Variants in FSD2 observed in about 807,000 individuals in gnomAD.
FSD2 encodes the protein fibronectin type III and SPRY domain containing 2.
In FSD2, 71 loss-of-function variants were observed where a neutral mutation model predicts 80.4. The ratio of observed to expected loss-of-function variants is 0.88; its 90% CI spans 0.73 to 1.08. The LOEUF (loss-of-function observed/expected upper bound fraction) is 1.08. Ranked by LOEUF, FSD2 falls within the 50% of genes least tolerant of loss-of-function variation. The pLI is 0.00. For missense variants in FSD2, 923 were observed against 913.8 expected (o/e 1.01, Z -0.13); for synonymous variants, 361 against 329.5 (o/e 1.10, Z -1.03).
At chr15:82,760,726 T>C (rs1427876695) in intron 12 of FSD2, among the ~76,000 whole-genome samples, 1 of 105,824 alleles carries the variant, frequency 9.4e-6, no homozygotes, top group African/African-American at 4.0e-5. Flanking sequence ...TGTGTGCACG[T>C]GTGTGCGTGC....
intron 7 of FSD2, 32 bp downstream of exon 7, chr15:82,772,040 AT>A: frequency 1.3e-6 from 2 of 1,519,122 alleles, no homozygotes; most frequent in Non-Finnish European, 1.8e-6. Context: ...AACTGTTCCC[AT>A]GAGCACGGGC....
At chr15:82,778,676 A>C in intron 6 of FSD2, 90 bp downstream of exon 6, 2 of 1,401,066 alleles carry the variant, frequency 1.4e-6, no homozygotes, top group Non-Finnish European at 1.9e-6. Context: ...TGTTAAGAGG[A>C]TAGATCTCAT....
rs142701820 is a variant in FSD2 at position 82,759,423 on chromosome 15, A to G, written c.2175T>C (p.Cys725=). 2.2e-5 allele frequency: 35 copies of G among 1,613,774 alleles called. No individual in the cohort carries two copies. The African/African-American group carries it at 4.5e-4, about 21-fold the overall frequency. ...GACACCCAGGCTTTTCCAAAGAAAAACAGGGATGCACAAATTCGTGAAGCT... is the reference window on the plus strand; with the variant it reads ...GACACCCAGGCTTTTCCAAAGAAAAGCAGGGATGCACAAATTCGTGAAGCT... ...SCQLHEFVHP[C]FSLEKPGCLK... The change falls in exon 13 of 13, where the codon TGT becomes TGC. Residue 725 remains cysteine, a synonymous_variant. Transcript: ENST00000334574.
At chr15:82,802,142 A>C (rs1054244666) in intron 1 of FSD2, among the ~76,000 whole-genome samples, 12 of 152,178 alleles carry the variant, frequency 7.9e-5, no homozygotes, top group African/African-American at 2.7e-4. Context: ...CAGCCTGTAC[A>C]CAGGGCTGGA....
intron 8 of FSD2, 36 bp from the exon 9 acceptor site, chr15:82,769,066 T>G (rs771231963): frequency 6.7e-7 from 1 of 1,495,570 alleles, no homozygotes; most frequent in African/African-American, 1.4e-5. Flanking sequence ...GAACAACTGT[T>G]GTGTTCATTT....
At chr15:82,801,875 C>T (rs866264165) in intron 1 of FSD2, among the ~76,000 whole-genome samples, 1 of 152,154 alleles carries the variant, frequency 6.6e-6, no homozygotes. Flanking sequence ...GTCCATGCCA[C>T]CTGGGACCAC....
chr15:82,784,357 G>A (rs1047884414), intron 3 of FSD2, among the ~76,000 whole-genome samples: 13 of 151,868 alleles, frequency 8.6e-5, no homozygotes, highest in African/African-American at 2.9e-4. Context: ...TGATTCTCCT[G>A]TCTCAGCCTC....
At chr15:82,804,318 G>A (rs1028009767) in intron 1 of FSD2, among the ~76,000 whole-genome samples, 2 of 152,150 alleles carry the variant, frequency 1.3e-5, no homozygotes, top group Admixed American at 1.3e-4. Flanking sequence ...AGGTCCCTTG[G>A]AGAGCATCTA....
intron 1 of FSD2, among the ~76,000 whole-genome samples, chr15:82,793,279 T>G (rs2050191431): frequency 6.6e-6 from 1 of 152,116 alleles, no homozygotes; most frequent in African/African-American, 2.4e-5. Flanking sequence ...TTTTGTATTT[T>G]TAGTAGAGAC....
At position 82,756,129 on chromosome 15, in the gene FSD2, G is replaced by A. The variant is rs2049172042; in HGVS notation, c.*3219C>T. ...ATAGGAGTAGTACACTTATAGATGA[G>A]AAAACTGGAGAAAGACATAGTGAAC... On this transcript the variant is annotated 3_prime_UTR_variant, in exon 13 of 13. Transcript: ENST00000334574. 1 of 352,564 alleles carries A rather than the reference G, an allele frequency of 2.8e-6. No homozygotes were observed. Among genetic ancestry groups the A allele is most frequent in the African/African-American group, 2.1e-5 (1 of 47,284 alleles). The allele number at this position is 352,564 out of a possible 1,614,324, so 21.8% of individuals were successfully genotyped here.
At chr15:82,801,940 C>T (rs12595140) in intron 1 of FSD2, among the ~76,000 whole-genome samples, 1,993 of 152,268 alleles carry the variant, frequency 0.013, 25 homozygotes, top group East Asian at 0.05. Flanking sequence ...AGGTAGGTTT[C>T]CAGAGGCAGC....
In FSD2 at chr15:82,762,356, G is replaced by A. The variant is rs991969155; in HGVS notation, c.1821-78C>T. 3.5e-6 allele frequency: 5 copies of A among 1,432,280 alleles called. No individual in the cohort carries two copies. The African/African-American group carries it at 7.0e-5, about 20-fold the overall frequency. 88.7% of individuals were successfully genotyped at this position (1,432,280 alleles called of 1,614,324 possible). A position where few individuals can be genotyped will look rare whatever the true frequency, so the allele number is the denominator to read the frequency against. On this transcript the variant is annotated intron_variant, in intron 11 of 12. Transcript: ENST00000334574. The stretch of plus-strand genomic sequence containing the variant: ...GTGCAGGTCAGTGATGCCAGTTGCT[G>A]GGATCAGTCAGTCGGTGGTCTACGA...
chr15:82,788,603 G>A (rs998931270), intron 1 of FSD2, among the ~76,000 whole-genome samples: 1 of 151,160 alleles, frequency 6.6e-6, no homozygotes, highest in African/African-American at 2.4e-5. Context: ...AGTGATACCC[G>A]CAGCTGGATA....
At position 82,756,853 on chromosome 15, in the gene FSD2, T is replaced by C. The variant is rs2049186601; in HGVS notation, c.*2495A>G. The C allele has an allele frequency of 6.6e-6, 1 of 152,270 alleles. No homozygotes were observed. The highest frequency in any genetic ancestry group is 6.5e-5 in the Admixed American group (1 of 15,288). 9.4% of individuals were successfully genotyped at this position (152,270 alleles called of 1,614,324 possible). On this transcript the variant is annotated 3_prime_UTR_variant, in exon 13 of 13. Coordinates refer to ENST00000334574, the MANE Select transcript of FSD2 (RefSeq NM_001007122.4). ...ACTGTCCAGTGTTAGGGATTGTGGC[T>C]ACAGTGGTCTAATTTTTAAAAACTC... is the stretch of plus-strand genomic sequence containing the variant.
In FSD2 at chr15:82,778,702, C is replaced by T; in HGVS notation, c.1111+64G>A. 3 of 1,516,682 alleles carry T rather than the reference C, an allele frequency of 2.0e-6. No individual in the cohort carries two copies. The South Asian group carries it at 3.8e-5, about 19-fold the overall frequency. 94.0% of individuals were successfully genotyped at this position (1,516,682 alleles called of 1,614,324 possible). ...TAGATCTCATGCTAAGTGTTCTCAT[C>T]ACAAGAAAGAAAAAAGCTCTGGGTA... is the stretch of plus-strand genomic sequence containing the variant. On this transcript the variant is annotated intron_variant, in intron 6 of 12. Transcript: ENST00000334574.
chr15:82,797,549 G>A (rs1036309268), intron 1 of FSD2, among the ~76,000 whole-genome samples: 2 of 152,124 alleles, frequency 1.3e-5, no homozygotes, highest in African/African-American at 4.8e-5. Flanking sequence ...GGTGGCTCAC[G>A]CCTGTAATCC....
chr15:82,777,340 A>C (rs1043213802), intron 6 of FSD2, among the ~76,000 whole-genome samples: 1 of 152,222 alleles, frequency 6.6e-6, no homozygotes, highest in African/African-American at 2.4e-5. Context: ...AGACTAGTAT[A>C]CAAAAAAAAT....
At chr15:82,802,290 G>C (rs755784528) in intron 1 of FSD2, among the ~76,000 whole-genome samples, 1 of 152,098 alleles carries the variant, frequency 6.6e-6, no homozygotes, top group Non-Finnish European at 1.5e-5. Context: ...GCTCCTCCTG[G>C]GTATCATGCA....
At chr15:82,782,686 C>G in intron 4 of FSD2, 109 bp downstream of exon 4, 4 of 896,660 alleles carry the variant, frequency 4.5e-6, no homozygotes, top group Non-Finnish European at 5.3e-6. Context: ...TCCAATGCCT[C>G]CAGGAGGAAA....
Sources: gnomAD v4.1 joint callset for allele counts (sites outside exome capture counted in the v4.1 genomes callset) on GRCh38, gnomAD v4.1.1 for gene constraint, MANE v1.5 for transcripts, NCBI Gene and HGNC (gene_info 2026-07-23, HGNC 2026-07-21) for gene names.